FUCA1: variants seen among roughly 807,000 people sequenced by gnomAD.
FUCA1 encodes the protein tissue alpha-L-fucosidase.
A neutral mutation model predicts 56.8 loss-of-function variants in FUCA1; 52 were observed. That is an observed-to-expected ratio of 0.92 (90% CI 0.73 to 1.15). The LOEUF is 1.15. Ranked by LOEUF, FUCA1 falls within the 50% of genes most tolerant of loss-of-function variation. The pLI is 0.00. For missense variants in FUCA1, 568 were observed against 592.6 expected (o/e 0.96, Z 0.43); for synonymous variants, 230 against 226.6 (o/e 1.02, Z -0.14).
chr1:23,851,225 A>C (rs991929625), intron 5 of FUCA1, among the ~76,000 whole-genome samples: 7 of 152,150 alleles, frequency 4.6e-5, no homozygotes, highest in African/African-American at 9.7e-5. Context: ...TAAGCTGGGC[A>C]TGGTGGCACG....
intron 4 of FUCA1, among the ~76,000 whole-genome samples, chr1:23,859,549 G>C (rs1301055123): frequency 6.7e-6 from 1 of 150,226 alleles, no homozygotes; most frequent in Non-Finnish European, 1.5e-5. Context: ...CTGGGTGACA[G>C]AGTGAGCCTC....
chr1:23,859,526 A>T (rs893121795), intron 4 of FUCA1, among the ~76,000 whole-genome samples: 57 of 151,626 alleles, frequency 3.8e-4, no homozygotes, highest in Admixed American at 6.6e-4. Context: ...AGATCGCACC[A>T]CTGTACTCCA....
In FUCA1 at chr1:23,868,089, C is replaced by A; in HGVS notation, c.198G>T (p.Val66=). 1 of 1,611,894 alleles carries A rather than the reference C, an allele frequency of 6.2e-7. No individual in the cohort carries two copies. The highest frequency in any genetic ancestry group is 1.1e-5 in the South Asian group (1 of 90,904). The change falls in exon 1 of 8, where the codon GTG becomes GTT. Residue 66 remains valine (V), a synonymous_variant. Coordinates refer to ENST00000374479, the MANE Select transcript of FUCA1 (RefSeq NM_000147.5). The stretch of plus-strand genomic sequence containing the variant: ...CGCTGCCCCAGGCGGGCACCGAGAA[C>A]ACGCCCCAGTGGATGAACACCCCGA... The part of the protein sequence containing the change: ...AKFGVFIHWG[V]FSVPAWGSEW...
intron 5 of FUCA1, among the ~76,000 whole-genome samples, chr1:23,850,053 A>T (rs942127217): frequency 1.3e-5 from 2 of 151,938 alleles, no homozygotes; most frequent in South Asian, 4.1e-4. Flanking sequence ...GGTGGATCAC[A>T]CCTGTAATCC....
In FUCA1 at chr1:23,846,057, T is replaced by G; in HGVS notation, c.1260+17A>C. Reference sequence around the variant, plus strand: ...TTTACAGAAAGTTACATCTTAAGACTGACTAAGCCTCTTTACCTTTGTAGT... The same window carrying G: ...TTTACAGAAAGTTACATCTTAAGACGGACTAAGCCTCTTTACCTTTGTAGT... On this transcript the variant is annotated intron_variant, in intron 7 of 7. Transcript: ENST00000374479. The G allele has an allele frequency of 6.3e-7, 1 of 1,590,290 alleles. No individual in the cohort carries two copies. The highest frequency in any genetic ancestry group is 8.6e-7 in the Non-Finnish European group (1 of 1,158,508).
rs1639187219 is a variant in FUCA1 at position 23,867,489 on chromosome 1, A to C, written c.389+409T>G. ...GTATCCTTATATAACCCCTTTCTAC[A>C]ACCATAGAAGAGGCTGCAGGGAGGC... is the stretch of plus-strand genomic sequence containing the variant. On this transcript the variant is annotated intron_variant, in intron 1 of 7. Coordinates refer to ENST00000374479, the MANE Select transcript of FUCA1 (RefSeq NM_000147.5). The surrounding 1 kb of genome is among the most constrained non-coding windows in gnomAD (Gnocchi z 4.9). Among the ~76,000 whole-genome samples, 1 of 152,200 alleles carries C rather than the reference A, an allele frequency of 6.6e-6. No individual in the cohort carries two copies. Among genetic ancestry groups the C allele is most frequent in the Non-Finnish European group, 1.5e-5 (1 of 68,028 alleles).
intron 5 of FUCA1, among the ~76,000 whole-genome samples, chr1:23,849,809 C>T (rs1639220593): frequency 6.6e-6 from 1 of 151,582 alleles, no homozygotes; most frequent in Non-Finnish European, 1.5e-5. Context: ...TCTTGAACTC[C>T]TGACTTTGTG....
chr1:23,862,387 G>A (rs888654144), intron 3 of FUCA1, among the ~76,000 whole-genome samples: 3 of 152,078 alleles, frequency 2.0e-5, no homozygotes, highest in Admixed American at 6.6e-5. Flanking sequence ...GGCTGGTCTC[G>A]AACTCCTGAC....
intron 1 of FUCA1, 149 bp from the exon 2 acceptor site, chr1:23,865,774 AGCT>A: frequency 1.1e-6 from 1 of 911,020 alleles, no homozygotes; most frequent in Non-Finnish European, 1.8e-6. Flanking sequence ...ATATCCAGGA[AGCT>A]GCTGCAGTCA....
intron 1 of FUCA1, among the ~76,000 whole-genome samples, chr1:23,866,510 ATGG>A (rs1188789603): frequency 1.3e-5 from 2 of 152,250 alleles, no homozygotes; most frequent in African/African-American, 2.4e-5. Context: ...AATGCACTTT[ATGG>A]TTCAATCATT....
At chr1:23,853,591 T>C (rs1434007925) in intron 5 of FUCA1, among the ~76,000 whole-genome samples, 1 of 151,676 alleles carries the variant, frequency 6.6e-6, no homozygotes, top group Non-Finnish European at 1.5e-5. Flanking sequence ...GAACGGGCCA[T>C]GATGACAATG....
chr1:23,853,826 G>A (rs1174218757), intron 5 of FUCA1, among the ~76,000 whole-genome samples: 2 of 151,920 alleles, frequency 1.3e-5, no homozygotes, highest in East Asian at 1.9e-4. Flanking sequence ...GATTAAGGGC[G>A]GTGCAAGATG....
At chr1:23,861,741 G>C (rs1473974449) in intron 3 of FUCA1, among the ~76,000 whole-genome samples, 2 of 152,170 alleles carry the variant, frequency 1.3e-5, no homozygotes, top group African/African-American at 4.8e-5. Flanking sequence ...GCAAGACTTT[G>C]ATGCTCAGTA....
At chr1:23,852,600 C>T (rs928814035) in intron 5 of FUCA1, among the ~76,000 whole-genome samples, 4 of 152,094 alleles carry the variant, frequency 2.6e-5, no homozygotes, top group South Asian at 2.1e-4. Flanking sequence ...CTCAGCCTGC[C>T]GAGTGCCTGC....
chr1:23,854,407 G>A lies in FUCA1; in HGVS notation c.922C>T (p.Arg308Cys), dbSNP rs770084407. Residue 308 changes from arginine (R) to cysteine (C), a missense_variant, in exon 5 of 8, where the codon CGT (arginine) becomes TGT (cysteine). By Grantham distance (180) the Arg-to-Cys change is radical. Coordinates refer to ENST00000374479, the MANE Select transcript of FUCA1 (RefSeq NM_000147.5). The stretch of plus-strand genomic sequence containing the variant: ...GTAACATCAGACAATGCCATGTCAC[G>A]ACGATAGCCCCAGGAAAACTTGTCA... The part of the protein sequence containing the change: ...SIDKFSWGYR[R>C]DMALSDVTEE... The A allele has an allele frequency of 3.1e-6, 5 of 1,613,760 alleles. No homozygotes were observed. The highest frequency in any genetic ancestry group is 1.3e-5 in the African/African-American group (1 of 74,832).
chr1:23,860,034 T>A, intron 3 of FUCA1, 131 bp from the exon 4 acceptor site: 2 of 675,740 alleles, frequency 3.0e-6, no homozygotes, highest in Admixed American at 2.1e-5. Flanking sequence ...GCTATCAACA[T>A]GTATGATCAC....
intron 4 of FUCA1, among the ~76,000 whole-genome samples, chr1:23,857,963 C>T (rs572245640): frequency 2.6e-3 from 383 of 147,068 alleles, no homozygotes; most frequent in Non-Finnish European, 4.6e-3. Flanking sequence ...CCACCACGCC[C>T]GGCCTTAGAA....
intron 1 of FUCA1, 100 bp from the exon 2 acceptor site, chr1:23,865,725 A>T (rs1639610771): frequency 2.3e-6 from 3 of 1,294,042 alleles, no homozygotes; most frequent in Admixed American, 1.7e-5. Flanking sequence ...AAAGAACTTG[A>T]CCACAACAAA....
intron 5 of FUCA1, among the ~76,000 whole-genome samples, chr1:23,852,919 G>A (rs368686439): frequency 1.5e-4 from 23 of 151,344 alleles, no homozygotes; most frequent in Non-Finnish European, 2.7e-4. Flanking sequence ...AGTGAGGAGC[G>A]TCTCTGCCTG....
Sources: gnomAD v4.1 joint callset for allele counts (sites outside exome capture counted in the v4.1 genomes callset) on GRCh38, gnomAD v4.1.1 for gene constraint, Gnocchi (gnomAD v3.1) non-coding constraint, MANE v1.5 for transcripts, NCBI Gene and HGNC (gene_info 2026-07-23, HGNC 2026-07-21) for gene names.